The following RBFOX2 variants were observed in gnomAD, a reference collection of about 807,000 sequenced individuals.
RBFOX2 encodes RNA binding protein fox-1 homolog 2.
Under a neutral mutation model 49.1 loss-of-function variants are expected in RBFOX2, and 10 were observed. The observed-to-expected ratio is 0.20, with a 90% CI of 0.13 to 0.35. The LOEUF (loss-of-function observed/expected upper bound fraction) is 0.35. Among genes scored for constraint, RBFOX2 ranks in the 10% least tolerant of loss-of-function variants. The pLI is 1.00. For synonymous variants in RBFOX2, 183 were observed against 187.4 expected, an observed-to-expected ratio of 0.98 and a Z score of 0.19; for missense variants, 323 against 486.9, an observed-to-expected ratio of 0.66 and a Z score of 3.17.
At chr22:36,000,529 A>G (rs1286478666) in intron 1 of RBFOX2, 2 of 152,140 alleles carry the variant, frequency 1.3e-5, no homozygotes, top group African/African-American at 4.8e-5. Context: ...CCTTTGTATT[A>G]CACTTGACTT....
chr22:36,018,247 G>GT (rs2059116887), intron 1 of RBFOX2, among the ~76,000 whole-genome samples: 1 of 152,168 alleles, frequency 6.6e-6, no homozygotes, highest in Non-Finnish European at 1.5e-5. Flanking sequence ...CTTTAACAGA[G>GT]CTATAGACAT....
At chr22:35,908,577 C>T (rs562168343) in intron 1 of RBFOX2, among the ~76,000 whole-genome samples, 1 of 152,172 alleles carries the variant, frequency 6.6e-6, no homozygotes, top group African/African-American at 2.4e-5. Context: ...ATGTGTATTG[C>T]TTTTGTACCA....
At chr22:35,859,936 G>A (rs2042929639) in intron 1 of RBFOX2, among the ~76,000 whole-genome samples, 1 of 152,054 alleles carries the variant, frequency 6.6e-6, no homozygotes, top group Non-Finnish European at 1.5e-5. Flanking sequence ...TTCAGAGCAG[G>A]AAATAATTTT....
intron 1 of RBFOX2, among the ~76,000 whole-genome samples, chr22:35,899,340 ACTT>A: frequency 6.6e-6 from 1 of 152,160 alleles, no homozygotes; most frequent in East Asian, 1.9e-4. Context: ...ACCACCATAA[ACTT>A]CTTTGGAACC....
intron 1 of RBFOX2, among the ~76,000 whole-genome samples, chr22:35,906,909 A>G (rs935816396): frequency 6.6e-6 from 1 of 152,212 alleles, no homozygotes; most frequent in Non-Finnish European, 1.5e-5. Flanking sequence ...AAAAAACTCA[A>G]ACTTGATCTT....
chr22:35,913,477 TTG>T (rs61402464), intron 1 of RBFOX2, among the ~76,000 whole-genome samples: 12,136 of 143,004 alleles, frequency 0.085, 572 homozygotes, highest in African/African-American at 0.14. Flanking sequence ...GTTATTTCTA[TTG>T]TGTGTGTGTG....
intron 2 of RBFOX2, among the ~76,000 whole-genome samples, chr22:35,808,689 A>ATTTT (rs1359389124): frequency 6.6e-5 from 10 of 152,072 alleles, no homozygotes; most frequent in Admixed American, 3.3e-4. Flanking sequence ...CTCTACAAAA[A>ATTTT]AAATTAAAAA....
intron 1 of RBFOX2, among the ~76,000 whole-genome samples, chr22:36,011,359 T>C (rs1448610733): frequency 2.6e-5 from 4 of 152,192 alleles, no homozygotes; most frequent in Non-Finnish European, 5.9e-5. Flanking sequence ...TGGGATTTCA[T>C]GATTCCATTA....
upstream of RBFOX2, chr22:35,939,115 A>C: frequency 1.4e-6 from 1 of 693,946 alleles, no homozygotes; most frequent in Non-Finnish European, 2.6e-6. Flanking sequence ...TATTCATAAA[A>C]ACTATTTCTT....
At chr22:35,940,639 T>C (rs1179857794), upstream of RBFOX2, among the ~76,000 whole-genome samples, 1 of 152,010 alleles carries the variant, frequency 6.6e-6, no homozygotes, top group Non-Finnish European at 1.5e-5. Flanking sequence ...TATACATGAA[T>C]GTTCATAGCA....
chr22:35,828,529 T>C (rs1252374831), intron 1 of RBFOX2, among the ~76,000 whole-genome samples: 5 of 152,216 alleles, frequency 3.3e-5, no homozygotes, highest in Non-Finnish European at 5.9e-5. Context: ...GCCACATCTA[T>C]GTGTGAAACT....
At chr22:35,765,149 G>T (rs1396597788) in intron 6 of RBFOX2, among the ~76,000 whole-genome samples, 1 of 150,406 alleles carries the variant, frequency 6.6e-6, no homozygotes, top group East Asian at 1.9e-4. Flanking sequence ...GCTCAGGTGG[G>T]ATCCAATTTG....
Position 35,837,190 on chromosome 22 carries a change from C to T in RBFOX2, c.27+3002G>A, listed in dbSNP as rs182803168. ...AAGTAGAGCATATGTAATAATAAAG[C>T]GCATACACTGTGCAAATACTGACAA... On this transcript the variant is annotated intron_variant, in intron 1 of 11. Transcript: ENST00000405409. Among the ~76,000 whole-genome samples the T allele has an allele frequency of 3.2e-4, 49 of 152,126 alleles. 1 individual carries two copies. The East Asian group carries it at 4.3e-3, about 13-fold the overall frequency.
At chr22:35,805,016 G>T (rs962905077) in intron 2 of RBFOX2, among the ~76,000 whole-genome samples, 17 of 151,962 alleles carry the variant, frequency 1.1e-4, no homozygotes, top group Non-Finnish European at 1.5e-4. Flanking sequence ...GGCTGGGCGC[G>T]GTGGCTCACG....
At chr22:35,836,054 C>T (rs963705688) in intron 1 of RBFOX2, among the ~76,000 whole-genome samples, 1 of 151,944 alleles carries the variant, frequency 6.6e-6, no homozygotes, top group African/African-American at 2.4e-5. Flanking sequence ...GGAAAGTGTG[C>T]CAAAACAAAC....
intron 2 of RBFOX2, among the ~76,000 whole-genome samples, chr22:35,789,548 A>T (rs1947168372): frequency 6.6e-6 from 1 of 152,222 alleles, no homozygotes; most frequent in African/African-American, 2.4e-5. Flanking sequence ...ATCTCAAAAA[A>T]AAAGAAAAAG....
At chr22:35,825,462 T>C (rs1603311714) in intron 1 of RBFOX2, among the ~76,000 whole-genome samples, 1 of 149,668 alleles carries the variant, frequency 6.7e-6, no homozygotes, top group African/African-American at 2.4e-5. Flanking sequence ...AATAGTAAGG[T>C]CTGTATTCTT....
intron 1 of RBFOX2, among the ~76,000 whole-genome samples, chr22:35,967,037 ATC>A (rs1159269378): frequency 2.0e-5 from 3 of 152,064 alleles, no homozygotes; most frequent in Admixed American, 2.0e-4. Context: ...GCCCAGGCTG[ATC>A]TTTAACTCCT....
At chr22:35,837,873 C>G (rs1183691900) in intron 1 of RBFOX2, among the ~76,000 whole-genome samples, 1 of 152,134 alleles carries the variant, frequency 6.6e-6, no homozygotes, top group Non-Finnish European at 1.5e-5. Flanking sequence ...CTTATGGCTT[C>G]TTTAAATACT....
Sources: gnomAD v4.1 joint callset for allele counts (sites outside exome capture counted in the v4.1 genomes callset) on GRCh38, gnomAD v4.1.1 for gene constraint, MANE v1.5 for transcripts, NCBI Gene and HGNC (gene_info 2026-07-23, HGNC 2026-07-21) for gene names.